The following CDKAL1 variants were observed in gnomAD, a reference collection of about 807,000 sequenced individuals.
The protein encoded by CDKAL1 is threonylcarbamoyladenosine tRNA methylthiotransferase.
In CDKAL1, 32 loss-of-function variants were observed where a neutral mutation model predicts 68.2. The ratio of observed to expected loss-of-function variants is 0.47; its 90% CI spans 0.35 to 0.63. The LOEUF is 0.63. Among genes scored for constraint, CDKAL1 ranks in the 30% least tolerant of loss-of-function variants. The probability of loss-of-function intolerance (pLI) is 0.00; values close to 1 mark genes in which losing one functional copy is unlikely to be tolerated. For synonymous variants in CDKAL1, 234 were observed against 244.3 expected, an observed-to-expected ratio of 0.96 and a Z score of 0.39; for missense variants, 606 against 696.7, an observed-to-expected ratio of 0.87 and a Z score of 1.47.
At chr6:21,016,853 T>C (rs1474204767) in intron 11 of CDKAL1, among the ~76,000 whole-genome samples, 3 of 152,198 alleles carry the variant, frequency 2.0e-5, no homozygotes, top group Non-Finnish European at 4.4e-5. Flanking sequence ...TAAGTATAGG[T>C]GGGACATTCT....
chr6:20,796,388 C>T (rs779391275), intron 8 of CDKAL1, among the ~76,000 whole-genome samples: 6 of 152,038 alleles, frequency 3.9e-5, no homozygotes, highest in Non-Finnish European at 8.8e-5. Flanking sequence ...TTGGAAGATT[C>T]AGTATAGTAA....
At chr6:20,609,955 A>G (rs1766545206) in intron 4 of CDKAL1, among the ~76,000 whole-genome samples, 1 of 151,972 alleles carries the variant, frequency 6.6e-6, no homozygotes, top group African/African-American at 2.4e-5. Flanking sequence ...AATAAGCCCC[A>G]GTGTGCGTTG....
At position 20,754,290 on chromosome 6, in the gene CDKAL1, C is replaced by G. The variant is rs9358364; in HGVS notation, c.469-4305C>G. On this transcript the variant is annotated intron_variant, in intron 6 of 15. Transcript: ENST00000274695. ...GAGCAACTGCACCTGGCCTGCCTGT[C>G]TTTTTGTTGGTAGTCATCCTACTGG... Among the ~76,000 whole-genome samples, 4 of 152,094 alleles carry G rather than the reference C, an allele frequency of 2.6e-5. No individual in the cohort carries two copies. In the East Asian group the frequency reaches 7.7e-4, roughly 29 times the overall value.
At chr6:20,720,498 C>T (rs1246412168) in intron 5 of CDKAL1, among the ~76,000 whole-genome samples, 7 of 152,130 alleles carry the variant, frequency 4.6e-5, no homozygotes, top group Non-Finnish European at 1.0e-4. Context: ...AGTCACCCTT[C>T]CCAGCCTCTG....
At chr6:20,665,022 G>T (rs1769462417) in intron 5 of CDKAL1, among the ~76,000 whole-genome samples, 1 of 152,074 alleles carries the variant, frequency 6.6e-6, no homozygotes. Context: ...GAGCACATAT[G>T]CAGCTGAGAC....
rs1315843843 is a variant in CDKAL1, at chr6:20,819,558, G to A, written c.639-26517G>A. On this transcript the variant is annotated intron_variant, in intron 8 of 15. Transcript: ENST00000274695. ...ACTTTACGTCACACCTTTAGTGACA[G>A]AATAAAATTAACCAACTAGATGTTA... 8.0e-5 allele frequency among the ~76,000 whole-genome samples: 12 copies of A among 150,382 alleles called. No individual in the cohort carries two copies. In the East Asian group the frequency reaches 2.6e-3, roughly 33 times the overall value.
intron 5 of CDKAL1, among the ~76,000 whole-genome samples, chr6:20,717,371 ATT>A (rs1377886809): frequency 1.3e-5 from 2 of 151,694 alleles, no homozygotes; most frequent in African/African-American, 2.4e-5. Flanking sequence ...GAAAAGGATA[ATT>A]TACAGGACCA....
At chr6:20,982,142 T>C (rs1019987058) in intron 10 of CDKAL1, among the ~76,000 whole-genome samples, 4 of 151,886 alleles carry the variant, frequency 2.6e-5, no homozygotes, top group African/African-American at 9.7e-5. Flanking sequence ...TCTTGGCTCA[T>C]TGCAACCTCC....
At chr6:20,669,300 T>C (rs922333453) in intron 5 of CDKAL1, among the ~76,000 whole-genome samples, 3 of 152,224 alleles carry the variant, frequency 2.0e-5, no homozygotes, top group Non-Finnish European at 4.4e-5. Context: ...TCTCCACTTA[T>C]TAATTTGAAT....
At chr6:20,878,791 C>A (rs553958985) in intron 9 of CDKAL1, among the ~76,000 whole-genome samples, 9 of 150,000 alleles carry the variant, frequency 6.0e-5, no homozygotes, top group South Asian at 4.2e-4. Context: ...AGAAATATCC[C>A]CCTTCGGCAG....
At chr6:20,888,766 G>A (rs1761225484) in intron 9 of CDKAL1, among the ~76,000 whole-genome samples, 1 of 152,006 alleles carries the variant, frequency 6.6e-6, no homozygotes, top group Non-Finnish European at 1.5e-5. Flanking sequence ...AATCCAGTCT[G>A]TCGTTGTTGG....
intron 9 of CDKAL1, among the ~76,000 whole-genome samples, chr6:20,905,891 T>TG (rs72555545): frequency 8.3e-5 from 1 of 12,078 alleles, no homozygotes; most frequent in African/African-American, 2.8e-4. Context: ...TAAGACATTC[T>TG]CGGTAAACAA....
intron 9 of CDKAL1, among the ~76,000 whole-genome samples, chr6:20,906,930 C>T (rs767960589): frequency 5.3e-5 from 8 of 152,084 alleles, no homozygotes; most frequent in African/African-American, 1.2e-4. Flanking sequence ...CACAAAAAGA[C>T]GGATTATAAC....
intron 4 of CDKAL1, among the ~76,000 whole-genome samples, chr6:20,578,967 C>G (rs950457970): frequency 6.6e-6 from 1 of 152,090 alleles, no homozygotes; most frequent in Non-Finnish European, 1.5e-5. Context: ...AGTTTAGATT[C>G]GTCTTATACA....
chr6:21,021,151 T>G (rs1406489965), intron 11 of CDKAL1, among the ~76,000 whole-genome samples: 1 of 152,204 alleles, frequency 6.6e-6, no homozygotes, highest in East Asian at 1.9e-4. Context: ...ATATACAGAT[T>G]AGATAGATAG....
At chr6:21,007,512 C>G (rs1389812403) in intron 11 of CDKAL1, among the ~76,000 whole-genome samples, 1 of 130,560 alleles carries the variant, frequency 7.7e-6, no homozygotes, top group Admixed American at 7.9e-5. Flanking sequence ...AAAAAAAAGC[C>G]CACAATGAAT....
At chr6:21,040,340 A>G (rs957643777) in intron 11 of CDKAL1, among the ~76,000 whole-genome samples, 6 of 152,180 alleles carry the variant, frequency 3.9e-5, no homozygotes, top group African/African-American at 1.4e-4. Context: ...TTTTAGTCAT[A>G]AAAAATAATG....
chr6:20,709,450 C>G (rs560902647), intron 5 of CDKAL1, among the ~76,000 whole-genome samples: 2 of 148,044 alleles, frequency 1.4e-5, no homozygotes, highest in Non-Finnish European at 1.5e-5. Flanking sequence ...ATTAGGGATG[C>G]AAAAAAAAAA....
intron 13 of CDKAL1, among the ~76,000 whole-genome samples, chr6:21,152,951 AAC>A (rs1342276996): frequency 6.6e-6 from 1 of 152,176 alleles, no homozygotes; most frequent in Non-Finnish European, 1.5e-5. Flanking sequence ...CAATTTTTGA[AAC>A]ACTGTTCCAT....
Sources: allele counts gnomAD v4.1 joint callset (sites outside exome capture counted in the v4.1 genomes callset), GRCh38; gene constraint gnomAD v4.1.1; transcripts MANE v1.5; gene names NCBI Gene and HGNC (gene_info 2026-07-23, HGNC 2026-07-21).